Variants in PCBP3 observed in about 807,000 individuals in gnomAD.
PCBP3 encodes poly(rC)-binding protein 3.
Under a neutral mutation model 52.7 loss-of-function variants are expected in PCBP3, and 25 were observed. That is an observed-to-expected ratio of 0.47 (90% confidence interval 0.35 to 0.66). PCBP3 has a LOEUF of 0.66. Ranked by LOEUF, PCBP3 falls within the 30% of genes least tolerant of loss-of-function variation. The pLI, the probability that PCBP3 is intolerant of heterozygous loss-of-function variation, is 0.01. For synonymous variants in PCBP3, 162 were observed against 183.0 expected (o/e 0.89, Z 0.93); for missense variants, 391 against 490.3 (o/e 0.80, Z 1.91).
chr21:45,892,944 G>A (rs1177952704), intron 5 of PCBP3, among the ~76,000 whole-genome samples: 6 of 152,082 alleles, frequency 3.9e-5, no homozygotes, highest in African/African-American at 1.4e-4. Context: ...TCTGGAGAGG[G>A]GAGGGAGTCC....
At chr21:45,746,194 G>A (rs1440201428) in intron 3 of PCBP3, among the ~76,000 whole-genome samples, 4 of 132,104 alleles carry the variant, frequency 3.0e-5, no homozygotes, top group Non-Finnish European at 4.7e-5. Context: ...CAGCATCACC[G>A]TGTCAGTCCA....
rs566145221 is a variant in PCBP3, at chr21:45,814,659, G to GA, written c.-125-35302_-125-35301insA. Among the ~76,000 whole-genome samples, 133 of 120,076 alleles carry GA rather than the reference G, an allele frequency of 1.1e-3. 4 individuals carry two copies. Among genetic ancestry groups the GA allele is most frequent in the African/African-American group, 4.1e-3 (123 of 30,170 alleles). 78.8% of individuals were successfully genotyped at this position (120,076 alleles called of 152,430 possible). A position where few individuals can be genotyped will look rare whatever the true frequency, so the allele number is the denominator to read the frequency against. Reference sequence around the variant, plus strand: ...AGTGGTGAGTGAGTGGTGAGTGAGTGGTGAGTGATGAGTGGTGAGTGGTGA... The same window carrying GA: ...AGTGGTGAGTGAGTGGTGAGTGAGTGAGTGAGTGATGAGTGGTGAGTGGTGA... On this transcript the variant is annotated intron_variant, in intron 4 of 17. Coordinates refer to ENST00000681687, the MANE Select transcript of PCBP3 (RefSeq NM_001384156.1).
intron 1 of PCBP3, among the ~76,000 whole-genome samples, chr21:45,660,146 C>T (rs1449845023): frequency 6.6e-6 from 1 of 151,732 alleles, no homozygotes; most frequent in Non-Finnish European, 1.5e-5. Flanking sequence ...TATACACACA[C>T]ACATATATAT....
intron 5 of PCBP3, among the ~76,000 whole-genome samples, chr21:45,888,094 G>T (rs1239913392): frequency 6.6e-6 from 1 of 152,198 alleles, no homozygotes; most frequent in Non-Finnish European, 1.5e-5. Flanking sequence ...CTGGGTACCT[G>T]TCCTGGCCGT....
chr21:45,698,985 T>G (rs2082950319), intron 2 of PCBP3, among the ~76,000 whole-genome samples: 1 of 152,194 alleles, frequency 6.6e-6, no homozygotes, highest in South Asian at 2.1e-4. Context: ...TTTTCTCCAA[T>G]AGCAAGCTAT....
chr21:45,940,245 C>T lies in PCBP3; in HGVS notation c.1079+46C>T, dbSNP rs369125470. ...TCTGAGAGACGCCCGGAAAGGGACG[C>T]GCCAGCCGGCGTTACATCACCTGGA... On this transcript the variant is annotated intron_variant, in intron 17 of 17. Transcript: ENST00000681687. 1.8e-4 allele frequency: 274 copies of T among 1,542,402 alleles called. 2 individuals carry two copies. The highest frequency in any genetic ancestry group is 1.4e-4 in the Admixed American group (8 of 55,840).
In PCBP3 at chr21:45,857,577, T is replaced by A. The variant is rs576687675; in HGVS notation, c.10+7482T>A. 3.9e-5 allele frequency among the ~76,000 whole-genome samples: 6 copies of A among 152,220 alleles called. No homozygotes were observed. In the South Asian group the frequency reaches 1.0e-3, roughly 26 times the overall value. ...AATACACCACCTATAACCCCCCACC[T>A]TTGAGCTGTCCTGCCTTTCTGGACC... On this transcript the variant is annotated intron_variant, in intron 5 of 17. Transcript: ENST00000681687.
intron 5 of PCBP3, chr21:45,871,248 AC>A: frequency 7.4e-6 from 1 of 134,486 alleles, no homozygotes; most frequent in Non-Finnish European, 1.6e-5. Flanking sequence ...AGAGACAGGC[AC>A]CCCCCAGGGA....
intron 5 of PCBP3, among the ~76,000 whole-genome samples, chr21:45,865,195 T>G (rs1387379211): frequency 6.6e-6 from 1 of 152,260 alleles, no homozygotes; most frequent in East Asian, 1.9e-4. Context: ...TCCATTCTTC[T>G]GCTCCACCTG....
intron 4 of PCBP3, chr21:45,762,908 C>T (rs1372759510): frequency 1.3e-5 from 2 of 152,230 alleles, no homozygotes; most frequent in African/African-American, 4.8e-5. Context: ...CAGCAGCAAC[C>T]CTTCCAGGGG....
At chr21:45,772,851 C>T (rs748905843) in intron 4 of PCBP3, among the ~76,000 whole-genome samples, 6 of 152,082 alleles carry the variant, frequency 3.9e-5, no homozygotes, top group Non-Finnish European at 8.8e-5. Context: ...ATTTTTTTCA[C>T]ATACTTCTTG....
At chr21:45,816,529 C>T (rs1201919668) in intron 4 of PCBP3, among the ~76,000 whole-genome samples, 2 of 118,526 alleles carry the variant, frequency 1.7e-5, no homozygotes, top group African/African-American at 6.5e-5. Flanking sequence ...CCCCTCCCCT[C>T]CCCTTTTGTT....
intron 5 of PCBP3, among the ~76,000 whole-genome samples, chr21:45,887,659 C>T (rs1301032929): frequency 2.6e-5 from 4 of 152,254 alleles, no homozygotes; most frequent in African/African-American, 9.6e-5. Flanking sequence ...ACAGCGTCGC[C>T]ATTCCGGGCA....
At chr21:45,652,952 A>G (rs1241909884) in intron 1 of PCBP3, among the ~76,000 whole-genome samples, 1 of 152,140 alleles carries the variant, frequency 6.6e-6, no homozygotes, top group Non-Finnish European at 1.5e-5. Flanking sequence ...ACAAAGTTTG[A>G]TCTAAGGCAT....
In PCBP3 at chr21:45,904,300, C is replaced by T. The variant is rs1455605259; in HGVS notation, c.339+3187C>T. 6.6e-6 allele frequency among the ~76,000 whole-genome samples: 1 copy of T among 152,238 alleles called. No homozygotes were observed. The highest frequency in any genetic ancestry group is 1.5e-5 in the Non-Finnish European group (1 of 68,040). ...CGCGCAGACTGTATGGCCAAGGAAG[C>T]TCGAGGGATTCGGACAGTTTTCATC... On this transcript the variant is annotated intron_variant, in intron 9 of 17. Transcript: ENST00000681687. The surrounding 1 kb of genome is among the most constrained non-coding windows in gnomAD (Gnocchi z 4.8).
intron 2 of PCBP3, among the ~76,000 whole-genome samples, chr21:45,721,131 G>A (rs1415795848): frequency 6.6e-6 from 1 of 152,196 alleles, no homozygotes; most frequent in Non-Finnish European, 1.5e-5. Flanking sequence ...TTGTATTTGA[G>A]GCCAGGTGCA....
intron 5 of PCBP3, chr21:45,872,622 T>C (rs2095075666): frequency 6.6e-6 from 1 of 152,234 alleles, no homozygotes; most frequent in Admixed American, 6.5e-5. Context: ...CTGCTCAGTG[T>C]CCAGGCCCCG....
intron 1 of PCBP3, among the ~76,000 whole-genome samples, chr21:45,661,233 G>A (rs1409009257): frequency 6.6e-6 from 1 of 152,022 alleles, no homozygotes; most frequent in African/African-American, 2.4e-5. Flanking sequence ...TGAAGTCTAG[G>A]CTTTTAGTAT....
At chr21:45,932,904 C>T (rs940158676) in intron 15 of PCBP3, among the ~76,000 whole-genome samples, 8 of 151,608 alleles carry the variant, frequency 5.3e-5, no homozygotes, top group African/African-American at 1.9e-4. Context: ...GATGAATAAA[C>T]ACATCAGCCA....
Sources: gnomAD v4.1 joint callset for allele counts (sites outside exome capture counted in the v4.1 genomes callset) on GRCh38, gnomAD v4.1.1 for gene constraint, Gnocchi (gnomAD v3.1) non-coding constraint, MANE v1.5 for transcripts, NCBI Gene and HGNC (gene_info 2026-07-23, HGNC 2026-07-21) for gene names.